Variants in ZCWPW2 observed in about 807,000 individuals in gnomAD.
ZCWPW2 encodes zinc finger CW-type and PWWP domain containing 2.
A neutral mutation model predicts 46.6 loss-of-function variants in ZCWPW2; 45 were observed. That is an observed-to-expected ratio of 0.96 (90% confidence interval 0.76 to 1.24). ZCWPW2 has a LOEUF of 1.24. ZCWPW2 is among the 50% of genes most tolerant of loss of function. The pLI is 0.00. For missense variants in ZCWPW2, 429 were observed against 403.9 expected (o/e 1.06, Z -0.53); for synonymous variants, 152 against 137.1 (o/e 1.11, Z -0.76).
chr3:28,441,661 C>T (rs113200290), intron 4 of ZCWPW2, among the ~76,000 whole-genome samples: 1,954 of 152,192 alleles, frequency 0.013, 65 homozygotes, highest in African/African-American at 0.045. Flanking sequence ...GAGCCACTTC[C>T]CCATGTACCT....
intron 5 of ZCWPW2, among the ~76,000 whole-genome samples, chr3:28,485,722 T>G (rs1049622755): frequency 2.0e-5 from 3 of 152,172 alleles, no homozygotes; most frequent in African/African-American, 4.8e-5. Context: ...TCCTTTTCAT[T>G]AGGGTTAGCA....
intron 1 of ZCWPW2, among the ~76,000 whole-genome samples, chr3:28,359,894 A>T (rs1191275149): frequency 6.6e-6 from 1 of 152,124 alleles, no homozygotes; most frequent in Non-Finnish European, 1.5e-5. Flanking sequence ...TCATAATTTC[A>T]TTTGGTCACT....
intron 6 of ZCWPW2, among the ~76,000 whole-genome samples, chr3:28,498,534 A>G (rs1018213939): frequency 7.2e-5 from 11 of 152,190 alleles, no homozygotes; most frequent in Admixed American, 3.9e-4. Context: ...AAATGCTAGT[A>G]CTTTTCTTCC....
intron 9 of ZCWPW2, among the ~76,000 whole-genome samples, chr3:28,523,813 A>G (rs966543678): frequency 6.6e-6 from 1 of 152,142 alleles, no homozygotes; most frequent in African/African-American, 2.4e-5. Context: ...GCTAATATTA[A>G]CATTGGGTGA....
chr3:28,455,192 T>C (rs1037185811), intron 4 of ZCWPW2, among the ~76,000 whole-genome samples: 1 of 152,226 alleles, frequency 6.6e-6, no homozygotes, highest in Non-Finnish European at 1.5e-5. Context: ...TGGTGTGAGA[T>C]GGTCCCTCAT....
At position 28,426,446 on chromosome 3, in the gene ZCWPW2, A is replaced by G. The variant is rs577524219; in HGVS notation, c.333-8664A>G. Among the ~76,000 whole-genome samples, 86 of 152,140 alleles carry G rather than the reference A, an allele frequency of 5.7e-4. 1 individual carries two copies. Among genetic ancestry groups the G allele is most frequent in the Non-Finnish European group, 7.5e-4 (51 of 68,028 alleles). On this transcript the variant is annotated intron_variant, in intron 3 of 9. Transcript: ENST00000383768. Reference sequence around the variant, plus strand: ...GTCATAAATATGAAAATTAATTTATAGAAAATATGTTTGCATTATATTGTA... The same window carrying G: ...GTCATAAATATGAAAATTAATTTATGGAAAATATGTTTGCATTATATTGTA...
At chr3:28,439,116 GAT>G (rs569482055) in intron 4 of ZCWPW2, among the ~76,000 whole-genome samples, 1 of 138,856 alleles carries the variant, frequency 7.2e-6, no homozygotes. Context: ...CACACCATAG[GAT>G]ATATATATAC....
chr3:28,375,930 A>G (rs1035980782), intron 1 of ZCWPW2, among the ~76,000 whole-genome samples: 4 of 151,944 alleles, frequency 2.6e-5, no homozygotes, highest in Non-Finnish European at 4.4e-5. Context: ...TCTTAATAAC[A>G]TAATGTCCAG....
chr3:28,413,424 C>A, intron 3 of ZCWPW2, 24 bp downstream of exon 3: 2 of 1,555,440 alleles, frequency 1.3e-6, no homozygotes, highest in South Asian at 2.4e-5. Flanking sequence ...AGTTTTATGA[C>A]TTTTGAAATG....
chr3:28,423,362 CTTT>C (rs1168607790), intron 3 of ZCWPW2, among the ~76,000 whole-genome samples: 1 of 110,820 alleles, frequency 9.0e-6, no homozygotes, highest in African/African-American at 3.4e-5. Flanking sequence ...TGTGAGCTAT[CTTT>C]TTTTTTTTTT....
chr3:28,409,122 C>CTT (rs11328735), intron 2 of ZCWPW2, among the ~76,000 whole-genome samples: 146 of 82,284 alleles, frequency 1.8e-3, no homozygotes, highest in Middle Eastern at 7.7e-3. Context: ...TTTTCTTTTT[C>CTT]TTTTTTTTTT....
At chr3:28,456,550 C>G (rs955041755) in intron 4 of ZCWPW2, among the ~76,000 whole-genome samples, 21 of 152,124 alleles carry the variant, frequency 1.4e-4, no homozygotes, top group Non-Finnish European at 7.3e-5. Context: ...TTATCTTGTT[C>G]CAGTTTTCAA....
chr3:28,508,175 A>G (rs1700329996), intron 6 of ZCWPW2, among the ~76,000 whole-genome samples: 1 of 152,078 alleles, frequency 6.6e-6, no homozygotes, highest in African/African-American at 2.4e-5. Flanking sequence ...CTCACCCACA[A>G]AGGAGGGCAT....
intron 4 of ZCWPW2, among the ~76,000 whole-genome samples, chr3:28,450,182 G>A (rs1698169592): frequency 6.6e-6 from 1 of 152,134 alleles, no homozygotes; most frequent in African/African-American, 2.4e-5. Flanking sequence ...TTACAGTTTT[G>A]TTGGTTTTAT....
intron 4 of ZCWPW2, among the ~76,000 whole-genome samples, chr3:28,456,924 G>A (rs1698446372): frequency 6.6e-6 from 1 of 152,104 alleles, no homozygotes; most frequent in South Asian, 2.1e-4. Flanking sequence ...ATATTGGCCT[G>A]AAGTTTTCTT....
intron 1 of ZCWPW2, among the ~76,000 whole-genome samples, chr3:28,355,938 G>A (rs1294914539): frequency 2.0e-5 from 3 of 152,156 alleles, no homozygotes; most frequent in African/African-American, 7.2e-5. Context: ...CATAGGCATG[G>A]GCAAGGACTT....
At position 28,381,006 on chromosome 3, in the gene ZCWPW2, ATATATATATATATATTTGG is replaced by A. The variant is rs1695065806; in HGVS notation, c.-133-9476_-133-9458del. The stretch of plus-strand genomic sequence containing the variant: ...ATATATATATATATATTTGGTATAT[ATATATATATATATATTTGG>A]TATATATATATATATATATTTGGTG... On this transcript the variant is annotated intron_variant, in intron 1 of 9. Coordinates refer to ENST00000383768, the MANE Select transcript of ZCWPW2 (RefSeq NM_001040432.4). 5.4e-5 allele frequency among the ~76,000 whole-genome samples: 2 copies of A among 36,994 alleles called. 1 individual carries two copies. Among genetic ancestry groups the A allele is most frequent in the African/African-American group, 2.4e-4 (2 of 8,434 alleles). The allele number at this position is 36,994 out of a possible 152,430, so 24.3% of individuals were successfully genotyped here.
intron 3 of ZCWPW2, among the ~76,000 whole-genome samples, chr3:28,432,169 G>A (rs1184072979): frequency 6.6e-6 from 1 of 152,120 alleles, no homozygotes; most frequent in Non-Finnish European, 1.5e-5. Context: ...CCATATCAGT[G>A]CGTCTTGTCT....
intron 1 of ZCWPW2, 40 bp downstream of exon 1, chr3:28,349,243 T>TC: frequency 1.0e-6 from 1 of 964,486 alleles, no homozygotes; most frequent in Non-Finnish European, 1.2e-6. Flanking sequence ...TGGGCCGAGG[T>TC]CCCCCTTCAG....
Sources: gnomAD v4.1 joint callset for allele counts (sites outside exome capture counted in the v4.1 genomes callset) on GRCh38, gnomAD v4.1.1 for gene constraint, MANE v1.5 for transcripts, NCBI Gene and HGNC (gene_info 2026-07-23, HGNC 2026-07-21) for gene names.